Variants in EXOC3 observed in about 807,000 individuals in gnomAD.
EXOC3 encodes exocyst complex component 3, also known as SEC6-like 1.
Under a neutral mutation model 73.7 loss-of-function variants are expected in EXOC3, and 21 were observed. The ratio of observed to expected loss-of-function variants is 0.29; its 90% CI spans 0.20 to 0.41. The LOEUF (loss-of-function observed/expected upper bound fraction) is 0.41, where lower values mean the gene tolerates loss of function less well. Ranked by LOEUF, EXOC3 falls within the 10% of genes least tolerant of loss-of-function variation. The probability of loss-of-function intolerance (pLI) is 1.00; values close to 1 mark genes in which losing one functional copy is unlikely to be tolerated. For missense variants in EXOC3, 842 were observed against 985.1 expected (o/e 0.85, Z 1.95); for synonymous variants, 410 against 389.1 (o/e 1.05, Z -0.63).
Position 457,936 on chromosome 5 carries a change from A to G in EXOC3, c.1201A>G (p.Thr401Ala). 1.2e-6 allele frequency: 2 copies of G among 1,611,226 alleles called. No individual in the cohort carries two copies. The change falls in exon 6 of 13, where the codon ACA (threonine) becomes GCA (alanine). Residue 401 changes from threonine (T) to alanine (A), a missense_variant. Transcript: ENST00000512944. ...IIAWLRKALE[T>A]DKKDWVKETE... The stretch of plus-strand genomic sequence containing the variant: ...CGCCTGGCTGCGGAAAGCGCTGGAG[A>G]CAGACAAGAAAGACTGGGTCAAAGA...
intron 6 of EXOC3, 102 bp from the exon 7 acceptor site, chr5:459,257 A>T: frequency 2.2e-6 from 1 of 458,728 alleles, no homozygotes; most frequent in Non-Finnish European, 3.8e-6. Flanking sequence ...GGACTATCCT[A>T]AATGCCAGTT....
intron 3 of EXOC3, among the ~76,000 whole-genome samples, chr5:448,727 C>G (rs1003611782): frequency 6.6e-6 from 1 of 152,222 alleles, no homozygotes; most frequent in African/African-American, 2.4e-5. Flanking sequence ...CTTGGTAATC[C>G]GTGTCCCGTC....
rs1738136462 is a variant in EXOC3 at position 465,967 on chromosome 5, G to C, written c.2066+122G>C. 9 of 1,104,384 alleles carry C rather than the reference G, an allele frequency of 8.1e-6. No individual in the cohort carries two copies. In the East Asian group the frequency reaches 2.4e-4, roughly 29 times the overall value. 68.4% of individuals were successfully genotyped at this position (1,104,384 alleles called of 1,614,324 possible). On this transcript the variant is annotated intron_variant, in intron 12 of 12. Coordinates refer to ENST00000512944, the MANE Select transcript of EXOC3 (RefSeq NM_007277.5). ...AGTTCAGCCCTGCAGCACGGCAAGG[G>C]TTCAGGTGCGGCACAGCGGGGCCCA... is the stretch of plus-strand genomic sequence containing the variant.
rs1183026156 is a variant in EXOC3, at chr5:466,961, A to G, written c.*63A>G. On this transcript the variant is annotated 3_prime_UTR_variant, in exon 13 of 13. Coordinates refer to ENST00000512944, the MANE Select transcript of EXOC3 (RefSeq NM_007277.5). ...CGGTCCCTGCCTTTAGAAACGCGGG[A>G]CAGCTGATTGCTCTCCTTGGCCACA... 6.8e-7 allele frequency: 1 copy of G among 1,469,044 alleles called. No homozygotes were observed. The highest frequency in any genetic ancestry group is 9.2e-7 in the Non-Finnish European group (1 of 1,084,132). 91.0% of individuals were successfully genotyped at this position (1,469,044 alleles called of 1,614,324 possible).
At position 466,727 on chromosome 5, in the gene EXOC3, G is replaced by A; in HGVS notation, c.2067G>A (p.Arg689=). The change falls in exon 13 of 13, where the codon AGG becomes AGA. Residue 689 remains arginine, a splice_region_variant and synonymous_variant. Transcript: ENST00000512944. The part of the protein sequence containing the change: ...STLVSKYPDI[R]DDHIGALLAV... ...TGGGCTGACATCTCCCCATCCCCAG[G>A]GATGACCACATCGGTGCGCTGCTGG... 3 of 1,611,882 alleles carry A rather than the reference G, an allele frequency of 1.9e-6. No homozygotes were observed. Among genetic ancestry groups the A allele is most frequent in the South Asian group, 1.1e-5 (1 of 90,944 alleles).
chr5:465,004 C>A, intron 10 of EXOC3, 107 bp from the exon 11 acceptor site: 1 of 1,225,394 alleles, frequency 8.2e-7, no homozygotes, highest in Non-Finnish European at 1.1e-6. Flanking sequence ...GAGGAGTGGG[C>A]TCAGAGCCTC....
intron 10 of EXOC3, chr5:464,776 G>T: frequency 2.3e-6 from 1 of 432,554 alleles, no homozygotes. Flanking sequence ...TGCCTGCCGC[G>T]TTTTCCAGAT....
chr5:445,531 T>G (rs1461688460), intron 1 of EXOC3, among the ~76,000 whole-genome samples: 2 of 152,152 alleles, frequency 1.3e-5, no homozygotes, highest in Non-Finnish European at 1.5e-5. Context: ...TTTGTGTGTA[T>G]TTTTAGTAGA....
Position 467,078 on chromosome 5 carries a change from GC to G in EXOC3, c.*184del. On this transcript the variant is annotated 3_prime_UTR_variant, in exon 13 of 13. Transcript: ENST00000512944. ...GAGCGTCCCGAGGCCACGTGCGGAGGCCCCTCACTGTGCTGTCAAAGGCCTG... is the reference window on the plus strand; with the variant it reads ...GAGCGTCCCGAGGCCACGTGCGGAGGCCCTCACTGTGCTGTCAAAGGCCTG... The G allele has an allele frequency of 1.6e-6, 1 of 626,562 alleles. No homozygotes were observed. Among genetic ancestry groups the G allele is most frequent in the Non-Finnish European group, 2.8e-6 (1 of 361,784 alleles). 38.8% of individuals were successfully genotyped at this position (626,562 alleles called of 1,614,324 possible).
rs371824507 is a variant in EXOC3 at position 453,925 on chromosome 5, T to G, written c.920T>G (p.Ile307Ser). The G allele has an allele frequency of 3.1e-6, 5 of 1,613,848 alleles. No homozygotes were observed. Among genetic ancestry groups the G allele is most frequent in the African/African-American group, 2.7e-5 (2 of 74,910 alleles). The change falls in exon 4 of 13, where the codon ATC (isoleucine) becomes AGC (serine). Residue 307 changes from isoleucine (I) to serine (S), a missense_variant. By Grantham distance (142) the Ile-to-Ser change is moderately radical. Transcript: ENST00000512944. Reference sequence around the variant, plus strand: ...CAGTGCTTTCCTCCCCACTATGAGATCTTTAAGAACCTCCTGAACATGTAC... The same window carrying G: ...CAGTGCTTTCCTCCCCACTATGAGAGCTTTAAGAACCTCCTGAACATGTAC... ...MVQCFPPHYE[I>S]FKNLLNMYHQ...
chr5:448,771 C>T lies in EXOC3; in HGVS notation c.364+1019C>T, dbSNP rs778023689. Among the ~76,000 whole-genome samples, 188 of 152,328 alleles carry T rather than the reference C, an allele frequency of 1.2e-3. 2 individuals are homozygous for T. Among genetic ancestry groups the T allele is most frequent in the Admixed American group, 3.9e-3 (60 of 15,306 alleles). The stretch of plus-strand genomic sequence containing the variant: ...CCTCTCTGCCCTCCTCTCGTGCTTG[C>T]GGCTGCAGCATTGCCGAGCACCTTG... On this transcript the variant is annotated intron_variant, in intron 3 of 12. Coordinates refer to ENST00000512944, the MANE Select transcript of EXOC3 (RefSeq NM_007277.5).
chr5:456,600 C>T (rs926308548), intron 4 of EXOC3, among the ~76,000 whole-genome samples: 9 of 152,120 alleles, frequency 5.9e-5, no homozygotes, highest in Admixed American at 6.5e-5. Context: ...CAAGTGGTCT[C>T]GGAGCCAGTG....
chr5:444,428 C>G (rs998750981), intron 1 of EXOC3, among the ~76,000 whole-genome samples: 7 of 152,348 alleles, frequency 4.6e-5, no homozygotes, highest in African/African-American at 1.7e-4. Context: ...TTCACTCCAG[C>G]CTTAAGATGG....
chr5:462,506 C>T (rs1019460955), intron 9 of EXOC3, 199 bp downstream of exon 9: 31 of 588,532 alleles, frequency 5.3e-5, no homozygotes, highest in Admixed American at 9.0e-5. Context: ...GTCCTTCTTA[C>T]GCACAATTCA....
chr5:465,411 C>A, intron 11 of EXOC3, 139 bp downstream of exon 11: 1 of 1,056,186 alleles, frequency 9.5e-7, no homozygotes, highest in Non-Finnish European at 1.3e-6. Flanking sequence ...CAGGTCCTGC[C>A]TGACCTTGTG....
chr5:454,054 A>G lies in EXOC3; in HGVS notation c.1046+3A>G. 1 of 1,591,718 alleles carries G rather than the reference A, an allele frequency of 6.3e-7. No homozygotes were observed. Among genetic ancestry groups the G allele is most frequent in the Non-Finnish European group, 8.6e-7 (1 of 1,169,032 alleles). The stretch of plus-strand genomic sequence containing the variant: ...TGGGTCTTAAACACCTACACAAGGT[A>G]AAGCTAACCTGGCGCCTGTGTTGGC... On this transcript the variant is annotated splice_donor_region_variant and intron_variant, in intron 4 of 12. Coordinates refer to ENST00000512944, the MANE Select transcript of EXOC3 (RefSeq NM_007277.5).
chr5:453,149 T>C (rs539013118), intron 3 of EXOC3, among the ~76,000 whole-genome samples: 5 of 152,348 alleles, frequency 3.3e-5, no homozygotes, highest in Admixed American at 3.3e-4. Context: ...ACTGCCCAGC[T>C]GAGAGCTGCA....
chr5:466,442 GA>G, intron 12 of EXOC3: 1 of 404,226 alleles, frequency 2.5e-6, no homozygotes, highest in Non-Finnish European at 4.4e-6. Context: ...GTTAAACGTG[GA>G]AAAACGGGGT....
chr5:454,095 G>T (rs766730559), intron 4 of EXOC3, 44 bp downstream of exon 4: 11 of 1,470,364 alleles, frequency 7.5e-6, no homozygotes, highest in Non-Finnish European at 1.0e-5. Flanking sequence ...GGTAGAAGCC[G>T]TGTGTGAGAG....
Sources: allele counts gnomAD v4.1 joint callset (sites outside exome capture counted in the v4.1 genomes callset), GRCh38; gene constraint gnomAD v4.1.1; transcripts MANE v1.5; gene names NCBI Gene and HGNC (gene_info 2026-07-23, HGNC 2026-07-21).